The following MAX variants were observed in gnomAD, a reference collection of about 807,000 sequenced individuals.
MAX encodes the protein protein max.
In MAX, 3 loss-of-function variants were observed where a neutral mutation model predicts 22.3. That is an observed-to-expected ratio of 0.13 (90% CI 0.06 to 0.35). MAX has a LOEUF of 0.35. Among genes scored for constraint, MAX ranks in the 10% least tolerant of loss-of-function variants. The probability of loss-of-function intolerance (pLI) is 1.00; values close to 1 mark genes in which losing one functional copy is unlikely to be tolerated. For synonymous variants in MAX, 72 were observed against 77.7 expected (o/e 0.93, Z 0.39); for missense variants, 119 against 209.4 (o/e 0.57, Z 2.66).
At chr14:65,096,130 T>C (rs1217912233) in intron 2 of MAX, among the ~76,000 whole-genome samples, 1 of 152,146 alleles carries the variant, frequency 6.6e-6, no homozygotes, top group Non-Finnish European at 1.5e-5. Flanking sequence ...AAGGCAGCAG[T>C]CCACTGCCTG....
At chr14:65,075,105 G>T (rs956698487), downstream of MAX, 2 of 1,013,838 alleles carry the variant, frequency 2.0e-6, no homozygotes, top group East Asian at 6.8e-5. The surrounding 1 kb of genome is among the most constrained non-coding windows in gnomAD (Gnocchi z 4.1). Flanking sequence ...CTTAACAAGG[G>T]TAAGAAGACA....
At chr14:65,090,635 G>A (rs945612832) in intron 3 of MAX, 5 of 152,114 alleles carry the variant, frequency 3.3e-5, no homozygotes, top group Non-Finnish European at 7.3e-5. Context: ...CTCCCAAGTA[G>A]CCAGGACTAC....
chr14:65,037,741 A>ATTAT (rs201126999), intron 3 of MAX, among the ~76,000 whole-genome samples: 6 of 132,718 alleles, frequency 4.5e-5, no homozygotes, highest in Admixed American at 7.9e-5. Flanking sequence ...TTATTTATTT[A>ATTAT]TTATTTATTT....
intron 3 of MAX, among the ~76,000 whole-genome samples, chr14:65,058,344 CTGTT>C (rs1222153049): frequency 2.7e-5 from 4 of 150,140 alleles, no homozygotes; most frequent in Non-Finnish European, 4.4e-5. Flanking sequence ...AGTTTTGTAA[CTGTT>C]TGTTACTAGT....
chr14:65,006,370 G>T, intron 3 of MAX: 1 of 1,558,768 alleles, frequency 6.4e-7, no homozygotes, highest in Non-Finnish European at 8.7e-7. Flanking sequence ...TTAACCCAAT[G>T]CTCTGACCTC....
rs2061739133 is a variant in MAX at position 65,014,745 on chromosome 14, T to C, written c.172-8461A>G. On this transcript the variant is annotated intron_variant, in intron 3 of 3. Coordinates refer to the MAX transcript ENST00000341653. The surrounding 1 kb of genome is among the most constrained non-coding windows in gnomAD (Gnocchi z 5.1). ...GGGAGGATTGCTTGAGCCCGGGAGG[T>C]TGAGGCTGCAGTGAGCTGAGATCAT... 6.6e-6 allele frequency among the ~76,000 whole-genome samples: 1 copy of C among 151,912 alleles called. No homozygotes were observed. The highest frequency in any genetic ancestry group is 2.4e-5 in the African/African-American group (1 of 41,352).
chr14:65,044,393 T>C lies in MAX; in HGVS notation c.172-38109A>G, dbSNP rs1447175491. ...AAGCTGGTGGATGGCTGCTACTCCT[T>C]CTGGCAGGCGGGGCTCCTGCCCCTG... On this transcript the variant is annotated intron_variant, in intron 3 of 3. Coordinates refer to the MAX transcript ENST00000341653. The surrounding 1 kb of genome is among the most constrained non-coding windows in gnomAD (Gnocchi z 5.5). 6.2e-7 allele frequency: 1 copy of C among 1,613,078 alleles called. No individual in the cohort carries two copies. Among genetic ancestry groups the C allele is most frequent in the South Asian group, 1.1e-5 (1 of 90,740 alleles).
At chr14:65,059,077 C>G (rs2062805561) in intron 3 of MAX, among the ~76,000 whole-genome samples, 1 of 152,082 alleles carries the variant, frequency 6.6e-6, no homozygotes. Flanking sequence ...TGCTGGAGTA[C>G]AGTGCTGTGA....
At position 65,012,428 on chromosome 14, in the gene MAX, C is replaced by A; in HGVS notation, c.172-6144G>T. On this transcript the variant is annotated intron_variant, in intron 3 of 3. Transcript: ENST00000341653. This position sits in a 1 kb window ranked among gnomAD's most constrained non-coding sequence, Gnocchi z 5.0. ...CCAGGAACTCTTGCTGTCAAATTATCCACCAAATCCTCCTCCTTTTTCTAT... is the reference window on the plus strand; with the variant it reads ...CCAGGAACTCTTGCTGTCAAATTATACACCAAATCCTCCTCCTTTTTCTAT... The A allele has an allele frequency of 6.2e-7, 1 of 1,611,928 alleles. No homozygotes were observed. The highest frequency in any genetic ancestry group is 8.5e-7 in the Non-Finnish European group (1 of 1,178,158).
intron 3 of MAX, among the ~76,000 whole-genome samples, chr14:65,019,825 A>T (rs2061852652): frequency 6.6e-6 from 1 of 152,264 alleles, no homozygotes; most frequent in Non-Finnish European, 1.5e-5. Context: ...CCATAAGGAA[A>T]TAGATTATTT....
chr14:65,088,076 T>C lies in MAX; in HGVS notation c.171+5632A>G, dbSNP rs574253406. On this transcript the variant is annotated intron_variant, in intron 3 of 4. Coordinates refer to ENST00000358664, the MANE Select transcript of MAX (RefSeq NM_002382.5). This position sits in a 1 kb window ranked among gnomAD's most constrained non-coding sequence, Gnocchi z 5.2. Reference sequence around the variant, plus strand: ...TTGCTCCTCCTTGCCTTCGCCATGATTGTGAGGCTTCCTTCCAGCCACGTG... The same window carrying C: ...TTGCTCCTCCTTGCCTTCGCCATGACTGTGAGGCTTCCTTCCAGCCACGTG... Among the ~76,000 whole-genome samples, 1 of 152,192 alleles carries C rather than the reference T, an allele frequency of 6.6e-6. No individual in the cohort carries two copies. The highest frequency in any genetic ancestry group is 2.4e-5 in the African/African-American group (1 of 41,448).
At chr14:65,058,925 C>T (rs977443360) in intron 3 of MAX, among the ~76,000 whole-genome samples, 14 of 152,154 alleles carry the variant, frequency 9.2e-5, no homozygotes, top group African/African-American at 1.9e-4. Context: ...AAAGATTGAT[C>T]TAAAATTTTA....
chr14:65,068,458 G>T (rs2062953961), intron 3 of MAX, among the ~76,000 whole-genome samples: 1 of 152,184 alleles, frequency 6.6e-6, no homozygotes, highest in African/African-American at 2.4e-5. Flanking sequence ...GAAGTGGGGA[G>T]TTATGCTCCA....
intron 3 of MAX, among the ~76,000 whole-genome samples, chr14:65,041,472 G>C (rs1183575363): frequency 6.6e-6 from 1 of 152,136 alleles, no homozygotes; most frequent in Non-Finnish European, 1.5e-5. Flanking sequence ...GTAGTTAAAT[G>C]ATCAGTGGGT....
intron 3 of MAX, chr14:65,061,139 A>T: frequency 1.2e-6 from 2 of 1,605,200 alleles, no homozygotes; most frequent in Non-Finnish European, 1.7e-6. Flanking sequence ...GTTTTCAAGG[A>T]CCACCGGGGT....
chr14:65,011,521 A>G lies in MAX; in HGVS notation c.172-5237T>C, dbSNP rs945879086. Among the ~76,000 whole-genome samples, 7 of 151,590 alleles carry G rather than the reference A, an allele frequency of 4.6e-5. No individual in the cohort carries two copies. The highest frequency in any genetic ancestry group is 1.0e-4 in the Non-Finnish European group (7 of 67,956). The stretch of plus-strand genomic sequence containing the variant: ...TTGATAAACAATTGTGGAATTGACT[A>G]CCTAGCAAAGGGAATGGTTCTCTTT... On this transcript the variant is annotated intron_variant, in intron 3 of 3. Coordinates refer to the MAX transcript ENST00000341653. This position sits in a 1 kb window ranked among gnomAD's most constrained non-coding sequence, Gnocchi z 4.0.
rs774467253 is a variant in MAX, at chr14:65,102,295, A to C, written c.36+9T>G. 2 of 1,613,662 alleles carry C rather than the reference A, an allele frequency of 1.2e-6. No homozygotes were observed. The highest frequency in any genetic ancestry group is 1.1e-5 in the South Asian group (1 of 91,028). ...ACCCGCACGGGAAGGAAGAAGCCCC[A>C]GGACTCACGTCGCTCTCCACCTCGA... On this transcript the variant is annotated intron_variant, in intron 1 of 4. Transcript: ENST00000358664.
At chr14:65,020,187 AGCTGCTATGACC>A (rs2061858653) in intron 3 of MAX, among the ~76,000 whole-genome samples, 1 of 152,238 alleles carries the variant, frequency 6.6e-6, no homozygotes, top group South Asian at 2.1e-4. Context: ...TACTTTTGTC[AGCTGCTATGACC>A]GCTGACCAAA....
chr14:65,093,976 G>C lies in MAX; in HGVS notation c.64-161C>G. On this transcript the variant is annotated intron_variant, in intron 2 of 4. Coordinates refer to ENST00000358664, the MANE Select transcript of MAX (RefSeq NM_002382.5). This position sits in a 1 kb window ranked among gnomAD's most constrained non-coding sequence, Gnocchi z 4.4. ...GGCAGTTAGGAGTCTCCAGAATTAG[G>C]CTCTGCTAAAGGGGGAGAAAGGGGT... 1.5e-6 allele frequency: 1 copy of C among 687,852 alleles called. No individual in the cohort carries two copies. The highest frequency in any genetic ancestry group is 2.0e-5 in the Admixed American group (1 of 49,386). 42.6% of individuals were successfully genotyped at this position (687,852 alleles called of 1,614,324 possible). A position where few individuals can be genotyped will look rare whatever the true frequency, so the allele number is the denominator to read the frequency against.
Sources: allele counts gnomAD v4.1 joint callset (sites outside exome capture counted in the v4.1 genomes callset), GRCh38; gene constraint gnomAD v4.1.1; non-coding constraint Gnocchi (gnomAD v3.1); transcripts MANE v1.5; gene names NCBI Gene and HGNC (gene_info 2026-07-23, HGNC 2026-07-21).